TRIM9: variants seen among roughly 807,000 people sequenced by gnomAD.
TRIM9 encodes tripartite motif containing 9.
TRIM9 carries 26 observed loss-of-function variants against 78.3 expected under a neutral mutation model. That is an observed-to-expected ratio of 0.33 (90% CI 0.24 to 0.46). The LOEUF is 0.46. Among genes scored for constraint, TRIM9 ranks in the 20% least tolerant of loss-of-function variants. The pLI, the probability that TRIM9 is intolerant of heterozygous loss-of-function variation, is 1.00. For synonymous variants in TRIM9, 398 were observed against 416.5 expected, an observed-to-expected ratio of 0.96 and a Z score of 0.54; for missense variants, 787 against 1,036.4, an observed-to-expected ratio of 0.76 and a Z score of 3.30.
At chr14:50,997,105 G>T (rs3813398) in intron 7 of TRIM9, 21 of 985,028 alleles carry the variant, frequency 2.1e-5, no homozygotes, top group Admixed American at 6.2e-5. Context: ...GGTGAGGTGG[G>T]GGGGTGATTT....
At chr14:51,019,738 G>A (rs2057567184) in intron 3 of TRIM9, among the ~76,000 whole-genome samples, 2 of 152,222 alleles carry the variant, frequency 1.3e-5, no homozygotes, top group South Asian at 4.2e-4. Context: ...GCCCTATGAG[G>A]TACCACTTCC....
Position 51,094,520 on chromosome 14 carries a change from C to G in TRIM9, c.420G>C (p.Arg140=), listed in dbSNP as rs937252957. 3.7e-6 allele frequency: 6 copies of G among 1,613,478 alleles called. No homozygotes were observed. Among genetic ancestry groups the G allele is most frequent in the Non-Finnish European group, 5.1e-6 (6 of 1,179,946 alleles). ...QCHRSLILDD[R]GLRGFPKNRV... is the part of the protein sequence containing the mutation. Reference sequence around the variant, plus strand: ...GATTCTTGGGGAAGCCGCGGAGCCCCCGGTCATCCAGGATGAGGCTGCGGT... The same window carrying G: ...GATTCTTGGGGAAGCCGCGGAGCCCGCGGTCATCCAGGATGAGGCTGCGGT... Residue 140 remains arginine (R), a synonymous_variant, in exon 1 of 13, where the codon CGG becomes CGC. Coordinates refer to ENST00000684578, the MANE Select transcript of TRIM9 (RefSeq NM_001387360.1).
chr14:51,017,483 G>A (rs1016958036), intron 3 of TRIM9, among the ~76,000 whole-genome samples: 56 of 152,192 alleles, frequency 3.7e-4, no homozygotes, highest in African/African-American at 1.3e-3. Context: ...TGCAAAGCAT[G>A]CTCTTAATGT....
chr14:51,070,229 G>T (rs954273267), intron 1 of TRIM9, among the ~76,000 whole-genome samples: 2 of 152,158 alleles, frequency 1.3e-5, no homozygotes. Context: ...GATAAGCATC[G>T]TTCAAGCATG....
At chr14:51,091,963 A>G (rs1463304920) in intron 1 of TRIM9, among the ~76,000 whole-genome samples, 1 of 152,192 alleles carries the variant, frequency 6.6e-6, no homozygotes, top group Non-Finnish European at 1.5e-5. Flanking sequence ...TTTTGGTCTT[A>G]ATAGATCAAG....
intron 3 of TRIM9, among the ~76,000 whole-genome samples, chr14:51,017,227 T>G (rs2057304498): frequency 6.6e-6 from 1 of 152,220 alleles, no homozygotes; most frequent in Admixed American, 6.5e-5. Flanking sequence ...GCAAATATTT[T>G]CCCCGTTCTC....
chr14:51,060,749 G>A (rs944877990), intron 1 of TRIM9, among the ~76,000 whole-genome samples: 1 of 152,246 alleles, frequency 6.6e-6, no homozygotes, highest in African/African-American at 2.4e-5. Context: ...TTGCAGGCGT[G>A]AGCCTCTGCA....
chr14:51,056,305 A>G (rs143373936), intron 1 of TRIM9, among the ~76,000 whole-genome samples: 12 of 152,336 alleles, frequency 7.9e-5, no homozygotes, highest in African/African-American at 1.9e-4. Context: ...TTTTCAAATT[A>G]AAAAAATAAA....
rs564813509 is a variant in TRIM9 at position 51,001,408 on chromosome 14, T to G, written c.1307-568A>C. 2.6e-3 allele frequency among the ~76,000 whole-genome samples: 391 copies of G among 152,118 alleles called. 1 individual carries two copies. The highest frequency in any genetic ancestry group is 9.0e-3 in the African/African-American group (373 of 41,494). On this transcript the variant is annotated intron_variant, in intron 5 of 12. Coordinates refer to ENST00000684578, the MANE Select transcript of TRIM9 (RefSeq NM_001387360.1). ...CCACGCCCGGCTAATTTTTTGTATTTTTAGTAGAGACGGGGTTTCACTGTG... is the reference window on the plus strand; with the variant it reads ...CCACGCCCGGCTAATTTTTTGTATTGTTAGTAGAGACGGGGTTTCACTGTG...
intron 1 of TRIM9, among the ~76,000 whole-genome samples, chr14:51,026,398 C>A (rs2058234199): frequency 6.6e-6 from 1 of 152,140 alleles, no homozygotes; most frequent in African/African-American, 2.4e-5. Flanking sequence ...CTATTCAAGT[C>A]ACTGTTCTGG....
intron 1 of TRIM9, among the ~76,000 whole-genome samples, chr14:51,053,351 A>G (rs948754289): frequency 3.3e-5 from 5 of 151,810 alleles, no homozygotes; most frequent in Admixed American, 3.3e-4. Context: ...AAACCTTAAG[A>G]GTCCTAAGAT....
chr14:51,074,854 G>T (rs1444635897), intron 1 of TRIM9, among the ~76,000 whole-genome samples: 2 of 152,220 alleles, frequency 1.3e-5, no homozygotes, highest in Non-Finnish European at 2.9e-5. Flanking sequence ...GCACTTCCAA[G>T]GCATAGGTAA....
chr14:51,080,701 C>T (rs999140269), intron 1 of TRIM9, among the ~76,000 whole-genome samples: 3 of 152,070 alleles, frequency 2.0e-5, no homozygotes, highest in Admixed American at 2.0e-4. Context: ...CTTTTTGACA[C>T]CTGGAAGTGA....
intron 1 of TRIM9, among the ~76,000 whole-genome samples, chr14:51,087,052 T>A (rs1172601450): frequency 6.6e-6 from 1 of 152,010 alleles, no homozygotes; most frequent in East Asian, 1.9e-4. Context: ...GGTGCAGGTG[T>A]AACTCTGGTA....
chr14:51,071,053 T>C (rs1176818261), intron 1 of TRIM9, among the ~76,000 whole-genome samples: 1 of 151,976 alleles, frequency 6.6e-6, no homozygotes, highest in Non-Finnish European at 1.5e-5. Flanking sequence ...GGTGGACTGA[T>C]GGGGACGACA....
chr14:51,043,121 T>C (rs552271319), intron 1 of TRIM9, among the ~76,000 whole-genome samples: 1 of 152,350 alleles, frequency 6.6e-6, no homozygotes, highest in African/African-American at 2.4e-5. Context: ...GTGACAATTG[T>C]CTTCCCAAAT....
At chr14:50,996,783 T>A in intron 7 of TRIM9, 1 of 985,416 alleles carries the variant, frequency 1.0e-6, no homozygotes, top group African/African-American at 1.7e-5. Flanking sequence ...AGCTACCACA[T>A]CACTGTACTC....
chr14:51,077,953 A>G (rs2062952673), intron 1 of TRIM9, among the ~76,000 whole-genome samples: 1 of 152,226 alleles, frequency 6.6e-6, no homozygotes, highest in Non-Finnish European at 1.5e-5. Context: ...TTGGTTATGC[A>G]ATCAAACTAG....
At chr14:50,980,960 A>G (rs2051799669) in intron 11 of TRIM9, among the ~76,000 whole-genome samples, 1 of 151,610 alleles carries the variant, frequency 6.6e-6, no homozygotes, top group Middle Eastern at 3.2e-3. Context: ...TTTCCCTTTG[A>G]TCTGGTTGAA....
Sources: allele counts gnomAD v4.1 joint callset (sites outside exome capture counted in the v4.1 genomes callset), GRCh38; gene constraint gnomAD v4.1.1; transcripts MANE v1.5; gene names NCBI Gene and HGNC (gene_info 2026-07-23, HGNC 2026-07-21).